MID1: variants seen among roughly 807,000 people sequenced by gnomAD.
MID1 encodes midline 1.
A neutral mutation model predicts 40.4 loss-of-function variants in MID1; 7 were observed. That is an observed-to-expected ratio of 0.17 (90% confidence interval 0.10 to 0.33). The LOEUF (loss-of-function observed/expected upper bound fraction) is 0.33, where lower values mean the gene tolerates loss of function less well. Ranked by LOEUF, MID1 falls within the 10% of genes least tolerant of loss-of-function variation. MID1 has a pLI of 1.00. For missense variants in MID1, 367 were observed against 558.5 expected (o/e 0.66, Z 3.46); for synonymous variants, 229 against 221.2 (o/e 1.04, Z -0.31).
At chrX:10,709,252 T>G (rs144761171) in intron 1 of MID1, among the ~76,000 whole-genome samples, 1,419 of 112,290 alleles carry the variant, frequency 0.013, 24 homozygotes, top group African/African-American at 0.043. Context: ...GTCCAATCAT[T>G]AAGTGATTGG....
At chrX:10,772,025 C>T (rs1247961921) in intron 1 of MID1, among the ~76,000 whole-genome samples, 7 of 110,451 alleles carry the variant, frequency 6.3e-5, no homozygotes, top group East Asian at 2.8e-4. Context: ...AGTCATTATA[C>T]GAAAAAGATG....
chrX:10,714,569 C>A (rs1230646098), intron 1 of MID1, among the ~76,000 whole-genome samples: 1 of 112,587 alleles, frequency 8.9e-6, no homozygotes, highest in African/African-American at 3.2e-5. Flanking sequence ...TTTTGTTAAT[C>A]GAATCTGGAA....
chrX:10,744,725 C>T (rs904184619), intron 1 of MID1, among the ~76,000 whole-genome samples: 1 of 110,988 alleles, frequency 9.0e-6, no homozygotes, highest in Non-Finnish European at 1.9e-5. Context: ...CAGCCCGACG[C>T]CACCTCTCCC....
chrX:10,500,721 A>G (rs1277873248), intron 3 of MID1, among the ~76,000 whole-genome samples: 2 of 112,039 alleles, frequency 1.8e-5, no homozygotes, highest in Non-Finnish European at 3.8e-5. Context: ...TTTGGAAGCT[A>G]GCAGCTCCTG....
chrX:10,544,740 G>C (rs1231787518), intron 2 of MID1, among the ~76,000 whole-genome samples: 1 of 111,422 alleles, frequency 9.0e-6, no homozygotes, highest in Non-Finnish European at 1.9e-5. Context: ...TCTTATTATG[G>C]GATAATTCTT....
At chrX:10,540,517 G>A (rs1377282347) in intron 2 of MID1, among the ~76,000 whole-genome samples, 1 of 111,622 alleles carries the variant, frequency 9.0e-6, no homozygotes, top group Non-Finnish European at 1.9e-5. Flanking sequence ...GTCTGTCTTT[G>A]ATTGTCTGAG....
chrX:10,571,472 T>C (rs948933293), intron 1 of MID1, among the ~76,000 whole-genome samples: 17 of 110,803 alleles, frequency 1.5e-4, no homozygotes, highest in Middle Eastern at 9.4e-3. Flanking sequence ...TTTGGAGAAA[T>C]TAAAATGCCA....
chrX:10,455,407 G>C (rs1928600976), intron 8 of MID1, among the ~76,000 whole-genome samples: 1 of 111,468 alleles, frequency 9.0e-6, no homozygotes, highest in South Asian at 3.8e-4. Context: ...TCTAAGATAG[G>C]GATCCAGTGG....
intron 3 of MID1, among the ~76,000 whole-genome samples, chrX:10,503,866 A>G (rs1246651321): frequency 1.8e-5 from 2 of 112,472 alleles, no homozygotes; most frequent in Non-Finnish European, 3.7e-5. Context: ...GAGTAGAGCA[A>G]TTAAATTCTT....
At position 10,446,632 on chromosome X, in the gene MID1, C is replaced by T. The variant is rs1032175146; in HGVS notation, c.*2736G>A. 7 of 112,210 alleles carry T rather than the reference C, an allele frequency of 6.2e-5. No homozygotes were observed. The highest frequency in any genetic ancestry group is 3.7e-4 in the South Asian group (1 of 2,688). 9.2% of individuals were successfully genotyped at this position (112,210 alleles called of 1,213,427 possible). ...GTATCCACCAGGAAGAGAGGTACCA[C>T]GTTTCTGAGTTCTTTTATGAGCACT... is the stretch of plus-strand genomic sequence containing the variant. On this transcript the variant is annotated 3_prime_UTR_variant, in exon 10 of 10. Coordinates refer to ENST00000317552, the MANE Select transcript of MID1 (RefSeq NM_000381.4).
intron 1 of MID1, among the ~76,000 whole-genome samples, chrX:10,648,531 C>G (rs1936285078): frequency 8.9e-6 from 1 of 111,990 alleles, no homozygotes; most frequent in South Asian, 3.7e-4. Context: ...AGAAAAACTC[C>G]TTAACATATG....
chrX:10,718,720 C>A (rs2043324575), intron 1 of MID1, among the ~76,000 whole-genome samples: 1 of 111,501 alleles, frequency 9.0e-6, no homozygotes, highest in African/African-American at 3.3e-5. Flanking sequence ...ATCCTGATAC[C>A]AAAGCATGGC....
intron 1 of MID1, among the ~76,000 whole-genome samples, chrX:10,790,388 C>T (rs1435838393): frequency 9.1e-6 from 1 of 110,038 alleles, no homozygotes; most frequent in Non-Finnish European, 1.9e-5. Context: ...ATCCATTTTC[C>T]ACCCCTCTCT....
intron 1 of MID1, among the ~76,000 whole-genome samples, chrX:10,577,565 T>G (rs1251103608): frequency 2.7e-5 from 3 of 110,187 alleles, no homozygotes; most frequent in African/African-American, 9.9e-5. Flanking sequence ...ATAAACAATT[T>G]AAAATATATG....
At chrX:10,784,083 C>T (rs972789579) in intron 1 of MID1, among the ~76,000 whole-genome samples, 3 of 111,451 alleles carry the variant, frequency 2.7e-5, no homozygotes, top group East Asian at 2.8e-4. Flanking sequence ...TACTTTATCC[C>T]GTTTTTACAT....
intron 1 of MID1, among the ~76,000 whole-genome samples, chrX:10,825,342 T>G (rs2044207996): frequency 8.9e-6 from 1 of 112,091 alleles, no homozygotes; most frequent in East Asian, 2.8e-4. Context: ...GGCTGCAGCT[T>G]TCACTGCCTA....
rs892574889 is a variant in MID1 at position 10,499,306 on chromosome X, T to C, written c.757-3615A>G. Among the ~76,000 whole-genome samples the C allele has an allele frequency of 8.0e-5, 9 of 111,902 alleles. No individual in the cohort carries two copies. In the Admixed American group the frequency reaches 8.6e-4, roughly 11 times the overall value. The stretch of plus-strand genomic sequence containing the variant: ...TTGTAATTGGGTCATTGTCTTTTAA[T>C]TAATAGAATGTATTATTTCTTTACA... On this transcript the variant is annotated intron_variant, in intron 3 of 9. Coordinates refer to ENST00000317552, the MANE Select transcript of MID1 (RefSeq NM_000381.4).
At chrX:10,585,374 T>C (rs1184552438) in intron 1 of MID1, among the ~76,000 whole-genome samples, 1 of 111,950 alleles carries the variant, frequency 8.9e-6, no homozygotes, top group African/African-American at 3.3e-5. Context: ...AGATTGATAA[T>C]GATTCACATA....
intron 1 of MID1, among the ~76,000 whole-genome samples, chrX:10,826,990 C>G (rs771401309): frequency 8.9e-6 from 1 of 111,745 alleles, no homozygotes; most frequent in Non-Finnish European, 1.9e-5. Context: ...GGACTTTGCT[C>G]TCTTACTTAG....
Sources: gnomAD v4.1 joint callset for allele counts (sites outside exome capture counted in the v4.1 genomes callset) on GRCh38, gnomAD v4.1.1 for gene constraint, MANE v1.5 for transcripts, NCBI Gene and HGNC (gene_info 2026-07-23, HGNC 2026-07-21) for gene names.